PCDHA8: variants seen among roughly 807,000 people sequenced by gnomAD.
PCDHA8 encodes protocadherin alpha 8.
In PCDHA8, 53 loss-of-function variants were observed where a neutral mutation model predicts 61.8. The ratio of observed to expected loss-of-function variants is 0.86; its 90% CI spans 0.69 to 1.08. PCDHA8 has a LOEUF of 1.08. Among genes scored for constraint, PCDHA8 ranks in the 50% least tolerant of loss-of-function variants. The probability of loss-of-function intolerance (pLI) is 0.00; values close to 1 mark genes in which losing one functional copy is unlikely to be tolerated. For missense variants in PCDHA8, 1,293 were observed against 1,245.0 expected, an observed-to-expected ratio of 1.04 and a Z score of -0.58; for synonymous variants, 618 against 556.6, an observed-to-expected ratio of 1.11 and a Z score of -1.55.
chr5:140,962,087 A>G (rs1284028102), intron 1 of PCDHA8, among the ~76,000 whole-genome samples: 10 of 151,912 alleles, frequency 6.6e-5, no homozygotes, highest in Non-Finnish European at 1.3e-4. Flanking sequence ...GGGTTTCACC[A>G]TGTTAGCCAG....
At chr5:140,997,533 A>G (rs1247028089) in intron 3 of PCDHA8, among the ~76,000 whole-genome samples, 1 of 152,230 alleles carries the variant, frequency 6.6e-6, no homozygotes, top group Non-Finnish European at 1.5e-5. Context: ...CAATAAAAAT[A>G]CATTATTATA....
intron 1 of PCDHA8, among the ~76,000 whole-genome samples, chr5:140,912,519 T>G (rs770184717): frequency 6.6e-6 from 1 of 152,164 alleles, no homozygotes. Context: ...TCTTTAGGGT[T>G]TTCAGAGTAC....
At chr5:140,982,824 G>GGTTT (rs74513655) in intron 3 of PCDHA8, among the ~76,000 whole-genome samples, 1 of 151,942 alleles carries the variant, frequency 6.6e-6, no homozygotes, top group African/African-American at 2.4e-5. Context: ...AAGTTTTTGG[G>GGTTT]GTTTGTTTGT....
At chr5:140,890,767 T>A (rs1342716029) in intron 1 of PCDHA8, among the ~76,000 whole-genome samples, 3 of 152,210 alleles carry the variant, frequency 2.0e-5, no homozygotes, top group African/African-American at 7.2e-5. Context: ...AAAAATATTT[T>A]AAAACCCCAT....
At chr5:140,850,964 C>T in intron 1 of PCDHA8, 2 of 1,468,876 alleles carry the variant, frequency 1.4e-6, no homozygotes, top group Non-Finnish European at 1.8e-6. Flanking sequence ...TCCCAGGGGC[C>T]GTTCAAATAG....
chr5:140,849,354 C>T (rs2150435747), intron 1 of PCDHA8: 1 of 1,448,176 alleles, frequency 6.9e-7, no homozygotes, highest in Admixed American at 2.0e-5. Flanking sequence ...TGATGTTTCT[C>T]CAGATATAAA....
chr5:140,883,835 T>C (rs782244088), intron 1 of PCDHA8: 10 of 1,612,448 alleles, frequency 6.2e-6, no homozygotes, highest in East Asian at 4.5e-5. Flanking sequence ...GCTGCAGCCG[T>C]TGGACCACGA....
chr5:140,882,651 A>T, intron 1 of PCDHA8: 1 of 1,614,206 alleles, frequency 6.2e-7, no homozygotes, highest in Non-Finnish European at 8.5e-7. Context: ...GACATTAACG[A>T]CAACCCGCCC....
At chr5:140,941,221 T>TTCTTTCTTTCTTTCTTTCTC (rs1563186510) in intron 1 of PCDHA8, among the ~76,000 whole-genome samples, 1 of 131,536 alleles carries the variant, frequency 7.6e-6, no homozygotes, top group Admixed American at 7.9e-5. Context: ...CTTCCTTTCT[T>TTCTTTCTTTCTTTCTTTCTC]TCTTTCTTTC....
At chr5:140,937,198 C>T (rs2091402998) in intron 1 of PCDHA8, among the ~76,000 whole-genome samples, 1 of 151,908 alleles carries the variant, frequency 6.6e-6, no homozygotes, top group Non-Finnish European at 1.5e-5. Context: ...CCACCATGCC[C>T]GGCTAATTTT....
intron 1 of PCDHA8, among the ~76,000 whole-genome samples, chr5:140,963,581 G>A (rs2095775682): frequency 6.6e-6 from 1 of 152,210 alleles, no homozygotes; most frequent in Non-Finnish European, 1.5e-5. Flanking sequence ...TTCTCAAAAT[G>A]TAGGATATAG....
At position 140,843,522 on chromosome 5, in the gene PCDHA8, CG is replaced by C. The variant is rs1554140172; in HGVS notation, c.2204del (p.Gly735AlafsTer51). The C allele has an allele frequency of 6.3e-7, 1 of 1,595,680 alleles. No individual in the cohort carries two copies. The highest frequency in any genetic ancestry group is 8.6e-7 in the Non-Finnish European group (1 of 1,165,506). ...SALPTEGGCR[A>X]GKPTLVCSSA... The stretch of plus-strand genomic sequence containing the variant: ...CTGCCCACTGAGGGCGGGTGCCGGG[CG>C]GGCAAGCCCACTCTGGTGTGCTCCA... On this transcript the variant is annotated frameshift_variant, in exon 1 of 4. Transcript: ENST00000531613. LOFTEE classifies it high-confidence loss of function.
Position 140,843,519 on chromosome 5 carries a change from G to A in PCDHA8, c.2198G>A (p.Arg733Gln). Residue 733 changes from arginine (R) to glutamine (Q), a missense_variant, in exon 1 of 4, where the codon CGG (arginine) becomes CAG (glutamine). Arg to Gln is a conservative substitution (Grantham distance 43). Coordinates refer to ENST00000531613, the MANE Select transcript of PCDHA8 (RefSeq NM_018911.3). ...GCACTGCCCACTGAGGGCGGGTGCC[G>A]GGCGGGCAAGCCCACTCTGGTGTGC... Reference protein sequence around the residue: ...CSALPTEGGCRAGKPTLVCSS... With the variant: ...CSALPTEGGCQAGKPTLVCSS... 1 of 1,595,904 alleles carries A rather than the reference G, an allele frequency of 6.3e-7. No individual in the cohort carries two copies. Among genetic ancestry groups the A allele is most frequent in the Non-Finnish European group, 8.6e-7 (1 of 1,165,540 alleles).
intron 1 of PCDHA8, among the ~76,000 whole-genome samples, chr5:140,903,617 G>T (rs1488747657): frequency 1.3e-5 from 2 of 152,140 alleles, no homozygotes; most frequent in Non-Finnish European, 2.9e-5. Context: ...ACATGAATGT[G>T]CATGCATATG....
chr5:140,934,534 GTTCTAA>G (rs1488792046), intron 1 of PCDHA8, among the ~76,000 whole-genome samples: 7 of 152,064 alleles, frequency 4.6e-5, no homozygotes, highest in Non-Finnish European at 7.4e-5. Flanking sequence ...GAGAGCTACC[GTTCTAA>G]TTCTATCATT....
In PCDHA8 at chr5:140,841,346, C is replaced by T; in HGVS notation, c.25C>T (p.Leu9=). MDYHWRGE[L]GSWRLLLLLL... is the part of the protein sequence containing the mutation. ...CATGGATTATCACTGGCGAGGAGAG[C>T]TGGGATCCTGGCGACTACTACTCTT... Residue 9 remains leucine (L), a synonymous_variant, in exon 1 of 4, where the codon CTG becomes TTG. Coordinates refer to ENST00000531613, the MANE Select transcript of PCDHA8 (RefSeq NM_018911.3). 1 of 1,612,554 alleles carries T rather than the reference C, an allele frequency of 6.2e-7. No individual in the cohort carries two copies. The highest frequency in any genetic ancestry group is 8.5e-7 in the Non-Finnish European group (1 of 1,179,078).
chr5:140,993,828 A>G (rs1170306716), intron 3 of PCDHA8, among the ~76,000 whole-genome samples: 1 of 152,226 alleles, frequency 6.6e-6, no homozygotes, highest in East Asian at 1.9e-4. Context: ...AGGCTATACC[A>G]TATAGCCTAG....
At chr5:140,938,805 A>G (rs367644327) in intron 1 of PCDHA8, among the ~76,000 whole-genome samples, 3 of 152,162 alleles carry the variant, frequency 2.0e-5, no homozygotes, top group East Asian at 3.9e-4. Context: ...TCGGTACCAC[A>G]AACCCCTGTG....
At position 140,853,837 on chromosome 5, in the gene PCDHA8, T is replaced by C. The variant is rs1554146872; in HGVS notation, c.2394+10122T>C. 17 of 986,750 alleles carry C rather than the reference T, an allele frequency of 1.7e-5. 2 individuals are homozygous for C. The highest frequency in any genetic ancestry group is 1.8e-5 in the Non-Finnish European group (15 of 818,856). The allele number at this position is 986,750 out of a possible 1,614,324, so 61.1% of individuals were successfully genotyped here. A position where few individuals can be genotyped will look rare whatever the true frequency, so the allele number is the denominator to read the frequency against. On this transcript the variant is annotated intron_variant, in intron 1 of 3. Transcript: ENST00000531613. ...GATGATTCTCATACAACCGAAATTT[T>C]AGATCCATAGCCCTATTTGATACTT... is the stretch of plus-strand genomic sequence containing the variant.
Sources: gnomAD v4.1 joint callset for allele counts (sites outside exome capture counted in the v4.1 genomes callset) on GRCh38, gnomAD v4.1.1 for gene constraint, MANE v1.5 for transcripts, NCBI Gene and HGNC (gene_info 2026-07-23, HGNC 2026-07-21) for gene names.